CRTC2: variants seen among roughly 807,000 people sequenced by gnomAD.
CRTC2 encodes CREB regulated transcription coactivator 2, also known as CREB-regulated transcription coactivator 2.
CRTC2 carries 25 observed loss-of-function variants against 70.9 expected under a neutral mutation model. That is an observed-to-expected ratio of 0.35 (90% CI 0.26 to 0.49). The LOEUF is 0.49. Among genes scored for constraint, CRTC2 ranks in the 20% least tolerant of loss-of-function variants. The pLI, the probability that CRTC2 is intolerant of heterozygous loss-of-function variation, is 0.98. For missense variants in CRTC2, 737 were observed against 882.6 expected (o/e 0.83, Z 2.09); for synonymous variants, 330 against 364.1 (o/e 0.91, Z 1.07).
At chr1:153,949,721 C>T (rs575556813) in intron 11 of CRTC2, among the ~76,000 whole-genome samples, 1 of 152,012 alleles carries the variant, frequency 6.6e-6, no homozygotes, top group Non-Finnish European at 1.5e-5. Flanking sequence ...TGGTAGCAGG[C>T]GTCTGTAGTC....
chr1:153,954,687 A>T (rs1331099847), intron 3 of CRTC2, among the ~76,000 whole-genome samples, 186 bp downstream of exon 3: 2 of 152,220 alleles, frequency 1.3e-5, no homozygotes, highest in African/African-American at 4.8e-5. Context: ...CAGCCTCAGG[A>T]GCAAAACTCC....
Position 153,952,820 on chromosome 1 carries a change from C to G in CRTC2, c.622G>C (p.Glu208Gln). The G allele has an allele frequency of 6.2e-7, 1 of 1,614,254 alleles. No individual in the cohort carries two copies. The highest frequency in any genetic ancestry group is 8.5e-7 in the Non-Finnish European group (1 of 1,180,038). The change falls in exon 7 of 14, where the codon GAA (glutamate) becomes CAA (glutamine). Residue 208 changes from glutamate to glutamine, a missense_variant. Physicochemically the swap from Glu to Gln is conservative, Grantham distance 29. Coordinates refer to ENST00000368633, the MANE Select transcript of CRTC2 (RefSeq NM_181715.3). ...GAACACATACCTTTGGGGTCCATTT[C>G]ACCATCCAGAATACCTGCAAGGGAT... ...PSRRGGILDGEMDPKVPAIEE... is the reference protein window; with the variant it reads ...PSRRGGILDGQMDPKVPAIEE...
In CRTC2 at chr1:153,958,417, C is replaced by G. The variant is rs2102128466; in HGVS notation, c.81G>C (p.Ala27=). 6.2e-7 allele frequency: 1 copy of G among 1,613,502 alleles called. No individual in the cohort carries two copies. Among genetic ancestry groups the G allele is most frequent in the Non-Finnish European group, 8.5e-7 (1 of 1,179,794 alleles). Residue 27 remains alanine, a synonymous_variant, in exon 1 of 14, where the codon GCG becomes GCC. Transcript: ENST00000368633. The stretch of plus-strand genomic sequence containing the variant: ...CCTCGGCCTGACGCTGCTTCTGCAG[C>G]GCAATCTTCTCACTAAATTTGCGCG... ...SNPRKFSEKI[A]LQKQRQAEET...
rs192245649 is a variant in CRTC2, at chr1:153,949,793, T to C, written c.1405-409A>G. On this transcript the variant is annotated intron_variant, in intron 11 of 13. Coordinates refer to ENST00000368633, the MANE Select transcript of CRTC2 (RefSeq NM_181715.3). ...GAACCCAGGAAGTGGGAGGTTGCAG[T>C]GAGCCAAGATCACACCACTGCACTT... Among the ~76,000 whole-genome samples, 426 of 151,604 alleles carry C rather than the reference T, an allele frequency of 2.8e-3. 5 individuals are homozygous for C. Among genetic ancestry groups the C allele is most frequent in the Middle Eastern group, 0.017 (5 of 294 alleles).
In CRTC2 at chr1:153,955,120, T is replaced by C. The variant is rs1468703973; in HGVS notation, c.200A>G (p.Tyr67Cys). The C allele has an allele frequency of 3.7e-6, 6 of 1,614,034 alleles. No homozygotes were observed. The highest frequency in any genetic ancestry group is 5.1e-6 in the Non-Finnish European group (6 of 1,179,924). ...GTTAACATTGGGCAGAGACCCACCA[T>C]AATGAGAGCTCCTTGTGTATGCCAG... ...LRLAYTRSSH[Y>C]GGSLPNVNQI... The change falls in exon 2 of 14, where the codon TAT (tyrosine) becomes TGT (cysteine). Residue 67 changes from tyrosine (Y) to cysteine (C), a missense_variant. Tyr to Cys is a radical substitution (Grantham distance 194, BLOSUM62 -2). Coordinates refer to ENST00000368633, the MANE Select transcript of CRTC2 (RefSeq NM_181715.3).
intron 1 of CRTC2, among the ~76,000 whole-genome samples, chr1:153,955,944 G>T (rs754288273): frequency 2.0e-5 from 3 of 152,200 alleles, no homozygotes; most frequent in Non-Finnish European, 4.4e-5. Context: ...CTACTCACAA[G>T]GGGGAGTGCC....
At position 153,951,452 on chromosome 1, in the gene CRTC2, G is replaced by A. The variant is rs1191322406; in HGVS notation, c.1212C>T (p.Ser404=). ...APALSSSSSS[S]STSSPVLGAP... is the part of the protein sequence containing the mutation. ...CGCCCAAAACAGGAGATGAAGTGGA[G>A]GAGGAGGAAGAGGAGGAGGAGAGAG... Residue 404 remains serine (S), a synonymous_variant, in exon 11 of 14, where the codon TCC becomes TCT. Coordinates refer to ENST00000368633, the MANE Select transcript of CRTC2 (RefSeq NM_181715.3). 2 of 1,601,872 alleles carry A rather than the reference G, an allele frequency of 1.2e-6. No individual in the cohort carries two copies. The highest frequency in any genetic ancestry group is 1.7e-6 in the Non-Finnish European group (2 of 1,173,844).
Position 153,949,174 on chromosome 1 carries a change from G to A in CRTC2, c.1615C>T (p.Pro539Ser), listed in dbSNP as rs1054089520. The change falls in exon 12 of 14, where the codon CCC becomes TCC. Residue 539 changes from proline (P) to serine (S), a missense_variant. Pro to Ser is a moderately conservative substitution (Grantham distance 74). Transcript: ENST00000368633. ...TAAGACTGTTGCCCATGCCCACTGGGCCCAGGTGGGTACGGTGTCCCATAA... is the reference window on the plus strand; with the variant it reads ...TAAGACTGTTGCCCATGCCCACTGGACCCAGGTGGGTACGGTGTCCCATAA... ...SHYGTPYPPG[P>S]SGHGQQSYHR... is the part of the protein sequence containing the mutation. 7 of 1,613,960 alleles carry A rather than the reference G, an allele frequency of 4.3e-6. No homozygotes were observed. Among genetic ancestry groups the A allele is most frequent in the Non-Finnish European group, 5.9e-6 (7 of 1,179,932 alleles).
chr1:153,954,941 C>T lies in CRTC2; in HGVS notation c.304G>A (p.Gly102Arg), dbSNP rs776526233. The T allele has an allele frequency of 2.5e-6, 4 of 1,614,056 alleles. No individual in the cohort carries two copies. In the East Asian group the frequency reaches 8.9e-5, roughly 36 times the overall value. ...LDSSRSTRHH[G>R]LVERVQRDPR... ...TCTCGCTGCACCCGTTCCACCAGCCCATGGTGCCGAGTGCTCCGAGATGAA... is the reference window on the plus strand; with the variant it reads ...TCTCGCTGCACCCGTTCCACCAGCCTATGGTGCCGAGTGCTCCGAGATGAA... Residue 102 changes from glycine (G) to arginine (R), a missense_variant, in exon 3 of 14, where the codon GGG (glycine) becomes AGG (arginine). Gly to Arg is a moderately radical substitution (Grantham distance 125). This residue lies in a region of CRTC2 where 699 missense variants were observed against 823.7 expected (regional missense o/e 0.85). Coordinates refer to ENST00000368633, the MANE Select transcript of CRTC2 (RefSeq NM_181715.3).
chr1:153,954,761 A>C, intron 3 of CRTC2, 112 bp downstream of exon 3: 1 of 918,678 alleles, frequency 1.1e-6, no homozygotes, highest in Non-Finnish European at 1.7e-6. Flanking sequence ...TGGGTAAAGA[A>C]GAGCTCCAAG....
chr1:153,952,325 G>A (rs1680373558), intron 9 of CRTC2, 63 bp from the exon 10 acceptor site: 3 of 1,604,020 alleles, frequency 1.9e-6, no homozygotes, highest in East Asian at 2.2e-5. Context: ...TCAGGGAAGA[G>A]CAGAGATCAG....
intron 1 of CRTC2, 69 bp downstream of exon 1, chr1:153,958,276 G>C (rs1038640821): frequency 1.3e-6 from 2 of 1,543,888 alleles, no homozygotes; most frequent in Non-Finnish European, 8.7e-7. Context: ...GCCCGCCCCC[G>C]CCCCGCCTCT....
At chr1:153,955,823 A>G (rs766462212) in intron 1 of CRTC2, among the ~76,000 whole-genome samples, 4 of 151,214 alleles carry the variant, frequency 2.6e-5, no homozygotes, top group Non-Finnish European at 4.4e-5. Flanking sequence ...CAATGATATC[A>G]CTACTGCTTG....
rs1276795156 is a variant in CRTC2 at position 153,952,121 on chromosome 1, G to A, written c.894C>T (p.Tyr298=). The A allele has an allele frequency of 1.9e-6, 3 of 1,614,090 alleles. 1 individual carries two copies. The highest frequency in any genetic ancestry group is 2.2e-5 in the South Asian group (2 of 91,082). ...PTPLDPEETA[Y]PSLSGGNSTS... ...TACTGTTGCCCCCACTCAGGCTAGGGTAGGCTGTCTCTTCAGGGTCCAGGG... is the reference window on the plus strand; with the variant it reads ...TACTGTTGCCCCCACTCAGGCTAGGATAGGCTGTCTCTTCAGGGTCCAGGG... The change falls in exon 10 of 14, where the codon TAC becomes TAT. Residue 298 remains tyrosine (Y), a synonymous_variant. Coordinates refer to ENST00000368633, the MANE Select transcript of CRTC2 (RefSeq NM_181715.3).
Position 153,951,502 on chromosome 1 carries a change from C to T in CRTC2, c.1162G>A (p.Gly388Ser). 3 of 1,600,664 alleles carry T rather than the reference C, an allele frequency of 1.9e-6. No individual in the cohort carries two copies. The highest frequency in any genetic ancestry group is 2.6e-6 in the Non-Finnish European group (3 of 1,173,712). Residue 388 changes from glycine (G) to serine (S), a missense_variant, in exon 11 of 14, where the codon GGC (glycine) becomes AGC (serine). Gly to Ser is a moderately conservative substitution (Grantham distance 56). This residue lies in a region of CRTC2 where 699 missense variants were observed against 823.7 expected (regional missense o/e 0.85). Transcript: ENST00000368633. Reference sequence around the variant, plus strand: ...GCCGGAGCACTGAGTGAGGGGTGGCCCAGGGAGGTGGTGGGCAGTACATGG... The same window carrying T: ...GCCGGAGCACTGAGTGAGGGGTGGCTCAGGGAGGTGGTGGGCAGTACATGG... ...ARHVLPTTSL[G>S]HPSLSAPALS... is the part of the protein sequence containing the mutation.
At chr1:153,954,847 A>C in intron 3 of CRTC2, 26 bp downstream of exon 3, 2 of 1,596,822 alleles carry the variant, frequency 1.3e-6, no homozygotes, top group Non-Finnish European at 1.7e-6. Flanking sequence ...CCTTTCAGAC[A>C]CTCCCAAGTC....
At position 153,953,247 on chromosome 1, in the gene CRTC2, C is replaced by A; in HGVS notation, c.607+19G>T. The A allele has an allele frequency of 7.0e-7, 1 of 1,419,984 alleles. No individual in the cohort carries two copies. The highest frequency in any genetic ancestry group is 2.2e-4 in the Middle Eastern group (1 of 4,562). The allele number at this position is 1,419,984 out of a possible 1,614,324, so 88.0% of individuals were successfully genotyped here. On this transcript the variant is annotated intron_variant, in intron 6 of 13. Transcript: ENST00000368633. ...AATAGCTCCATGGTTACTCCCAACC[C>A]TGGGACAGGGCCACTTACCCCCACG...
chr1:153,952,157 T>C lies in CRTC2; in HGVS notation c.858A>G (p.Pro286=). The C allele has an allele frequency of 6.2e-7, 1 of 1,613,102 alleles. No homozygotes were observed. The highest frequency in any genetic ancestry group is 8.5e-7 in the Non-Finnish European group (1 of 1,179,718). The change falls in exon 10 of 14, where the codon CCA becomes CCG. Residue 286 remains proline, a synonymous_variant. Coordinates refer to ENST00000368633, the MANE Select transcript of CRTC2 (RefSeq NM_181715.3). ...CTTCAGGGTCCAGGGGGGTGGGCAG[T>C]GGTGGGGGAAAGTGCAGGTTGGTGA... ...PDLTNLHFPP[P]LPTPLDPEET...
intron 6 of CRTC2, chr1:153,953,045 C>T (rs550067283): frequency 2.3e-5 from 15 of 641,740 alleles, no homozygotes; most frequent in African/African-American, 2.0e-4. Flanking sequence ...TAGCCAGGCA[C>T]AGTGGCAGAT....
Sources: allele counts gnomAD v4.1 joint callset (sites outside exome capture counted in the v4.1 genomes callset), GRCh38; gene constraint gnomAD v4.1.1; regional missense constraint gnomAD v4.1.1; transcripts MANE v1.5; gene names NCBI Gene and HGNC (gene_info 2026-07-23, HGNC 2026-07-21).